CPOX: variants seen among roughly 807,000 people sequenced by gnomAD.
The protein encoded by CPOX is coproporphyrinogen oxidase, also known as oxygen-dependent coproporphyrinogen-III oxidase, mitochondrial.
Under a neutral mutation model 48.9 loss-of-function variants are expected in CPOX, and 24 were observed. The observed-to-expected ratio is 0.49, with a 90% CI of 0.36 to 0.69. The LOEUF is 0.69. Among genes scored for constraint, CPOX ranks in the 30% least tolerant of loss-of-function variants. The probability of loss-of-function intolerance (pLI) is 0.00; values close to 1 mark genes in which losing one functional copy is unlikely to be tolerated. For missense variants in CPOX, 549 were observed against 597.3 expected (o/e 0.92, Z 0.84); for synonymous variants, 249 against 234.6 (o/e 1.06, Z -0.56).
chr3:98,585,879 CTTTTT>C (rs1183334760), intron 4 of CPOX: 21 of 407,262 alleles, frequency 5.2e-5, no homozygotes, highest in East Asian at 9.8e-5. Context: ...CTTTTCTTTT[CTTTTT>C]TTTTTTGAGA....
intron 4 of CPOX, chr3:98,585,883 T>C: frequency 2.0e-6 from 1 of 491,482 alleles, no homozygotes; most frequent in Non-Finnish European, 3.7e-6. Flanking sequence ...TCTTTTCTTT[T>C]TTTTTTTGAG....
downstream of CPOX, among the ~76,000 whole-genome samples, chr3:98,574,503 C>T (rs1171106116): frequency 2.0e-5 from 3 of 152,168 alleles, no homozygotes; most frequent in Non-Finnish European, 2.9e-5. Context: ...ACCACACTCA[C>T]GTTGAATAGC....
rs973850194 is a variant in CPOX, at chr3:98,593,582, A to G, written c.-78T>C. The G allele has an allele frequency of 2.4e-5, 34 of 1,407,590 alleles. No individual in the cohort carries two copies. The highest frequency in any genetic ancestry group is 1.0e-4 in the African/African-American group (7 of 67,828). The allele number at this position is 1,407,590 out of a possible 1,614,324, so 87.2% of individuals were successfully genotyped here. ...AGCCCCCCACCCAGACCCCCGGAGT[A>G]TTGAGCCGGCGAGCTGCACAGGCGG... On this transcript the variant is annotated 5_prime_UTR_variant, in exon 1 of 7. Coordinates refer to ENST00000647941, the MANE Select transcript of CPOX (RefSeq NM_000097.7).
intron 5 of CPOX, 146 bp downstream of exon 5, chr3:98,585,292 CAAT>C (rs1337123284): frequency 1.4e-6 from 1 of 728,684 alleles, no homozygotes; most frequent in African/African-American, 1.8e-5. Context: ...TTACTTTACA[CAAT>C]GTCTTTTAAT....
chr3:98,587,599 CA>C (rs1469717993), intron 4 of CPOX, among the ~76,000 whole-genome samples: 1 of 150,694 alleles, frequency 6.6e-6, no homozygotes. Context: ...GTCCCACTCC[CA>C]TGAATTTAAC....
chr3:98,572,518 G>A, the CPOX span, among the ~76,000 whole-genome samples: 1 of 152,074 alleles, frequency 6.6e-6, no homozygotes, highest in African/African-American at 2.4e-5. Context: ...TTTATTGATT[G>A]ATAGGATGGG....
At chr3:98,576,563 A>G (rs1307081455), downstream of CPOX, among the ~76,000 whole-genome samples, 1 of 152,248 alleles carries the variant, frequency 6.6e-6, no homozygotes, top group Non-Finnish European at 1.5e-5. Context: ...AAGGGAATTT[A>G]GTCAAGCCAT....
At chr3:98,591,303 A>G in intron 1 of CPOX, 148 bp from the exon 2 acceptor site, 1 of 849,510 alleles carries the variant, frequency 1.2e-6, no homozygotes, top group South Asian at 1.6e-5. Context: ...TTAGATAACT[A>G]GCTTAGCTTT....
chr3:98,593,405 C>G lies in CPOX; in HGVS notation c.100G>C (p.Gly34Arg). The G allele has an allele frequency of 4.9e-6, 7 of 1,429,708 alleles. No individual in the cohort carries two copies. The highest frequency in any genetic ancestry group is 5.5e-6 in the Non-Finnish European group (6 of 1,100,734). The allele number at this position is 1,429,708 out of a possible 1,614,324, so 88.6% of individuals were successfully genotyped here. A position where few individuals can be genotyped will look rare whatever the true frequency, so the allele number is the denominator to read the frequency against. Residue 34 changes from glycine to arginine, a missense_variant, in exon 1 of 7, where the codon GGG becomes CGG. Gly to Arg is a moderately radical substitution (Grantham distance 125). Transcript: ENST00000647941. ...CTGCGCTGGGACCAGGCTCGGAGCC[C>G]TCCGCCGCCGCACTGGGACCAGGCG... ...PRAWSQCGGG[G>R]LRAWSQRSAA...
At chr3:98,574,796 C>A (rs1559671035), downstream of CPOX, among the ~76,000 whole-genome samples, 1 of 152,170 alleles carries the variant, frequency 6.6e-6, no homozygotes, top group Non-Finnish European at 1.5e-5. Context: ...CCAGGCTGGT[C>A]TTGAACTGCT....
At chr3:98,585,861 C>T in intron 4 of CPOX, 1 of 609,710 alleles carries the variant, frequency 1.6e-6, no homozygotes. Context: ...AATGCTTATC[C>T]TCTTTTTCTT....
chr3:98,585,743 A>G (rs1381236756), intron 4 of CPOX, 84 bp from the exon 5 acceptor site: 1 of 1,001,272 alleles, frequency 1.0e-6, no homozygotes, highest in Non-Finnish European at 1.6e-6. Flanking sequence ...AGGTTACAGC[A>G]CTATCCTCAA....
At chr3:98,592,220 G>C (rs1452171258) in intron 1 of CPOX, among the ~76,000 whole-genome samples, 1 of 152,004 alleles carries the variant, frequency 6.6e-6, no homozygotes. Flanking sequence ...AAAATCTGCC[G>C]GTGAGAAGCT....
In CPOX at chr3:98,579,607, C is replaced by A. The variant is rs775384142; in HGVS notation, c.*1076G>T. On this transcript the variant is annotated 3_prime_UTR_variant, in exon 7 of 7. Transcript: ENST00000647941. ...ATGCTCTTCCTTATAAACTTTATTA[C>A]GAAGCAAATAAAATAATACATTCAT... 3.1e-6 allele frequency: 3 copies of A among 983,564 alleles called. No individual in the cohort carries two copies. In the African/African-American group the frequency reaches 5.2e-5, roughly 17 times the overall value. 60.9% of individuals were successfully genotyped at this position (983,564 alleles called of 1,614,324 possible).
In CPOX at chr3:98,579,666, C is replaced by G. The variant is rs1707214307; in HGVS notation, c.*1017G>C. 7 of 984,700 alleles carry G rather than the reference C, an allele frequency of 7.1e-6. No homozygotes were observed. The highest frequency in any genetic ancestry group is 8.4e-6 in the Non-Finnish European group (7 of 829,428). 61.0% of individuals were successfully genotyped at this position (984,700 alleles called of 1,614,324 possible). The stretch of plus-strand genomic sequence containing the variant: ...AACAAAGAAATCATACATTAAGAAT[C>G]CTGTTGTGATTTGCTCTTAAGAGCA... On this transcript the variant is annotated 3_prime_UTR_variant, in exon 7 of 7. Transcript: ENST00000647941.
downstream of CPOX, chr3:98,579,390 TAAG>T: frequency 1.7e-6 from 1 of 583,874 alleles, no homozygotes; most frequent in Non-Finnish European, 2.2e-6. Context: ...TCAACTGTAC[TAAG>T]AAATATATGC....
chr3:98,585,744 C>G, intron 4 of CPOX, 85 bp from the exon 5 acceptor site: 1 of 1,002,420 alleles, frequency 1.0e-6, no homozygotes, highest in Non-Finnish European at 1.6e-6. Flanking sequence ...GGTTACAGCA[C>G]TATCCTCAAC....
chr3:98,586,716 A>G (rs3762654), intron 4 of CPOX, among the ~76,000 whole-genome samples: 98,698 of 151,816 alleles, frequency 0.65, 32,148 homozygotes, highest in East Asian at 0.75. Flanking sequence ...AGGCCGAGGC[A>G]GGCGGATCAC....
intron 3 of CPOX, 34 bp downstream of exon 3, chr3:98,590,598 C>G (rs368918389): frequency 3.5e-6 from 5 of 1,417,126 alleles, no homozygotes; most frequent in Non-Finnish European, 4.0e-6. Context: ...ACATTTTGCA[C>G]GACAGTACTT....
Sources: allele counts gnomAD v4.1 joint callset (sites outside exome capture counted in the v4.1 genomes callset), GRCh38; gene constraint gnomAD v4.1.1; transcripts MANE v1.5; gene names NCBI Gene and HGNC (gene_info 2026-07-23, HGNC 2026-07-21).